The following KANSL1 variants were observed in gnomAD, a reference collection of about 807,000 sequenced individuals.
The protein encoded by KANSL1 is MLL1/MLL complex subunit KANSL1.
A neutral mutation model predicts 103.6 loss-of-function variants in KANSL1; 22 were observed. The ratio of observed to expected loss-of-function variants is 0.21; its 90% CI spans 0.15 to 0.30. The LOEUF is 0.30. Ranked by LOEUF, KANSL1 falls within the 10% of genes least tolerant of loss-of-function variation. KANSL1 has a pLI of 1.00. For synonymous variants in KANSL1, 600 were observed against 527.6 expected (o/e 1.14, Z -1.88); for missense variants, 1,337 against 1,399.8 (o/e 0.96, Z 0.72).
intron 3 of KANSL1, among the ~76,000 whole-genome samples, chr17:46,091,830 T>C (rs1415155174): frequency 2.0e-5 from 3 of 152,190 alleles, no homozygotes; most frequent in Non-Finnish European, 4.4e-5. Context: ...TGTATGTATG[T>C]ATATGAGACA....
intron 1 of KANSL1, among the ~76,000 whole-genome samples, chr17:46,174,807 G>A (rs550792026): frequency 6.6e-6 from 1 of 152,294 alleles, no homozygotes; most frequent in South Asian, 2.1e-4. Flanking sequence ...CCTAGTAGCT[G>A]GGACTATAGG....
chr17:46,123,121 A>T (rs1322975590), intron 2 of KANSL1, among the ~76,000 whole-genome samples: 1 of 152,270 alleles, frequency 6.6e-6, no homozygotes, highest in African/African-American at 2.4e-5. Context: ...TCATGCCTGT[A>T]ATCCCAACAC....
chr17:46,160,203 TAA>T (rs2045656423), intron 2 of KANSL1, among the ~76,000 whole-genome samples: 1 of 152,216 alleles, frequency 6.6e-6, no homozygotes, highest in Non-Finnish European at 1.5e-5. Context: ...GTGTGATCAA[TAA>T]ATACTAATTC....
At chr17:46,033,361 G>A in intron 12 of KANSL1, 42 bp downstream of exon 12, 1 of 1,572,682 alleles carries the variant, frequency 6.4e-7, no homozygotes, top group Non-Finnish European at 8.8e-7. Context: ...ATGTGTGCAT[G>A]TGTACACACG....
At position 46,032,124 on chromosome 17, in the gene KANSL1, C is replaced by T; in HGVS notation, c.3013G>A (p.Val1005Met). 6.2e-7 allele frequency: 1 copy of T among 1,614,092 alleles called. No individual in the cohort carries two copies. Among genetic ancestry groups the T allele is most frequent in the Non-Finnish European group, 8.5e-7 (1 of 1,179,998 alleles). Residue 1005 changes from valine (V) to methionine (M), a missense_variant, in exon 14 of 15, where the codon GTG becomes ATG. This residue lies in a region of KANSL1 where 780 missense variants were observed against 923.4 expected (regional missense o/e 0.84). Transcript: ENST00000432791. ...PELHSAPLTP[V>M]ARDTPRHLAS... ...AAGTGTCGCGGAGTGTCCCGAGCCA[C>T]AGGGGTGAGGGGTGCTGAGTGCAGT...
intron 1 of KANSL1, among the ~76,000 whole-genome samples, chr17:46,201,789 T>C (rs937277535): frequency 6.6e-6 from 1 of 151,870 alleles, no homozygotes; most frequent in Non-Finnish European, 1.5e-5. Flanking sequence ...GGTGAATCAC[T>C]TGAGCTCTGG....
intron 2 of KANSL1, among the ~76,000 whole-genome samples, chr17:46,154,005 T>G (rs1365864056): frequency 2.0e-5 from 3 of 152,228 alleles, no homozygotes; most frequent in Non-Finnish European, 2.9e-5. Context: ...TATACCCCCC[T>G]CTAAATCAGA....
chr17:46,084,365 G>A (rs889029448), intron 3 of KANSL1, among the ~76,000 whole-genome samples: 1 of 151,296 alleles, frequency 6.6e-6, no homozygotes, highest in African/African-American at 2.4e-5. Flanking sequence ...CTGGGCGACA[G>A]ACCAAGGCTC....
intron 2 of KANSL1, among the ~76,000 whole-genome samples, chr17:46,143,855 G>C (rs924269372): frequency 6.7e-6 from 1 of 148,414 alleles, no homozygotes; most frequent in African/African-American, 2.5e-5. Context: ...CAGTAGAAGA[G>C]ATGAGAAAAT....
At chr17:46,181,958 A>C (rs934824851) in intron 1 of KANSL1, among the ~76,000 whole-genome samples, 1 of 152,154 alleles carries the variant, frequency 6.6e-6, no homozygotes, top group African/African-American at 2.4e-5. Flanking sequence ...AGACTCTTCC[A>C]ATTCATATCA....
At chr17:46,152,401 C>A (rs917787619) in intron 2 of KANSL1, among the ~76,000 whole-genome samples, 1 of 152,210 alleles carries the variant, frequency 6.6e-6, no homozygotes, top group Non-Finnish European at 1.5e-5. Context: ...AAGAAAACAA[C>A]AGAATACTTT....
chr17:46,041,380 C>G (rs190529661), intron 7 of KANSL1: 18 of 152,286 alleles, frequency 1.2e-4, no homozygotes, highest in African/African-American at 4.3e-4. Flanking sequence ...ATTTCACCAC[C>G]ATGGATAGCG....
At chr17:46,163,421 G>A (rs2045846864) in intron 2 of KANSL1, among the ~76,000 whole-genome samples, 1 of 152,162 alleles carries the variant, frequency 6.6e-6, no homozygotes, top group South Asian at 2.1e-4. Context: ...GGAGTTTAGT[G>A]GCACAATCAT....
At chr17:46,148,357 T>C (rs981188672) in intron 2 of KANSL1, 1 of 152,220 alleles carries the variant, frequency 6.6e-6, no homozygotes, top group Non-Finnish European at 1.5e-5. Context: ...TTAAAAACAA[T>C]TTTAATATGT....
At position 46,030,378 on chromosome 17, in the gene KANSL1, AAAAG is replaced by A. The variant is rs1455445474; in HGVS notation, c.*1094_*1097del. 2 of 152,086 alleles carry A rather than the reference AAAAG, an allele frequency of 1.3e-5. No individual in the cohort carries two copies. Among genetic ancestry groups the A allele is most frequent in the Non-Finnish European group, 2.9e-5 (2 of 68,020 alleles). 9.4% of individuals were successfully genotyped at this position (152,086 alleles called of 1,614,324 possible). On this transcript the variant is annotated 3_prime_UTR_variant, in exon 15 of 15. Transcript: ENST00000432791. The stretch of plus-strand genomic sequence containing the variant: ...TATACGATTACAAAATGGCCAAAAA[AAAAG>A]AGTCTTCTCCCCCCTCCCCCTTTTT...
intron 2 of KANSL1, among the ~76,000 whole-genome samples, chr17:46,135,308 T>G (rs1009272240): frequency 4.6e-5 from 7 of 151,082 alleles, no homozygotes; most frequent in Admixed American, 3.3e-4. Flanking sequence ...CCTGTTACAG[T>G]TGGGCAATGC....
Position 46,094,152 on chromosome 17 carries a change from G to T in KANSL1, c.1431+408C>A, listed in dbSNP as rs185201066. ...TTCTTAGTTGTCCAGGCTGGAGTGTGGTGGCACAATCTTGGCTCACTGCAA... is the reference window on the plus strand; with the variant it reads ...TTCTTAGTTGTCCAGGCTGGAGTGTTGTGGCACAATCTTGGCTCACTGCAA... On this transcript the variant is annotated intron_variant, in intron 3 of 14. Coordinates refer to ENST00000432791, the MANE Select transcript of KANSL1 (RefSeq NM_015443.4). The T allele has an allele frequency of 1.8e-3, 337 of 188,902 alleles. 2 individuals are homozygous for T. Among genetic ancestry groups the T allele is most frequent in the Non-Finnish European group, 2.9e-3 (267 of 92,888 alleles). The allele number at this position is 188,902 out of a possible 1,614,324, so 11.7% of individuals were successfully genotyped here.
intron 3 of KANSL1, among the ~76,000 whole-genome samples, chr17:46,089,654 A>C (rs2079305768): frequency 6.6e-6 from 1 of 151,770 alleles, no homozygotes; most frequent in Non-Finnish European, 1.5e-5. Flanking sequence ...CACTTAACCA[A>C]AACACATAGG....
chr17:46,142,810 A>G (rs2044492617), intron 2 of KANSL1, among the ~76,000 whole-genome samples: 1 of 152,242 alleles, frequency 6.6e-6, no homozygotes, highest in African/African-American at 2.4e-5. Flanking sequence ...TACAACTGGG[A>G]ACCTTTTGGA....
Sources: allele counts gnomAD v4.1 joint callset (sites outside exome capture counted in the v4.1 genomes callset), GRCh38; gene constraint gnomAD v4.1.1; regional missense constraint gnomAD v4.1.1; transcripts MANE v1.5; gene names NCBI Gene and HGNC (gene_info 2026-07-23, HGNC 2026-07-21).